The following DLC1 variants were observed in gnomAD, a reference collection of about 807,000 sequenced individuals.
The protein encoded by DLC1 is rho GTPase-activating protein 7.
In DLC1, 54 loss-of-function variants were observed where a neutral mutation model predicts 140.3. That is an observed-to-expected ratio of 0.38 (90% CI 0.31 to 0.48). The LOEUF is 0.48. Ranked by LOEUF, DLC1 falls within the 20% of genes least tolerant of loss-of-function variation. DLC1 has a pLI of 0.96. For missense variants in DLC1, 2,536 were observed against 1,907.0 expected (o/e 1.33, Z -6.14); for synonymous variants, 986 against 728.1 (o/e 1.35, Z -5.70).
At chr8:13,418,595 C>A (rs189401401) in intron 2 of DLC1, among the ~76,000 whole-genome samples, 3 of 152,024 alleles carry the variant, frequency 2.0e-5, no homozygotes, top group Non-Finnish European at 2.9e-5. Flanking sequence ...GGTACCAGTA[C>A]CATGCTGTTT....
chr8:13,091,492 T>A (rs1433339553), intron 13 of DLC1, 60 bp from the exon 14 acceptor site: 7 of 1,486,300 alleles, frequency 4.7e-6, no homozygotes, highest in African/African-American at 2.8e-5. Flanking sequence ...TTCTTCAAGG[T>A]ATTATTCAAG....
intron 2 of DLC1, among the ~76,000 whole-genome samples, chr8:13,497,465 T>C (rs1801567044): frequency 6.6e-6 from 1 of 152,232 alleles, no homozygotes; most frequent in African/African-American, 2.4e-5. Flanking sequence ...AATGACAGAA[T>C]GCTTAAAATA....
intron 1 of DLC1, among the ~76,000 whole-genome samples, chr8:13,569,220 A>C (rs1324216748): frequency 1.3e-5 from 2 of 152,204 alleles, no homozygotes; most frequent in Non-Finnish European, 2.9e-5. Context: ...CATTACCTGG[A>C]GATCACTTTT....
rs146278215 is a variant in DLC1 at position 13,314,074 on chromosome 8, C to T, written c.1315-8772G>A. Reference sequence around the variant, plus strand: ...ACATTTATATTCTGCACTCATGTGACCTTTGGGTGACTTCTGAATTGTAGG... The same window carrying T: ...ACATTTATATTCTGCACTCATGTGATCTTTGGGTGACTTCTGAATTGTAGG... On this transcript the variant is annotated intron_variant, in intron 4 of 17. Coordinates refer to ENST00000276297, the MANE Select transcript of DLC1 (RefSeq NM_182643.3). 3.0e-3 allele frequency among the ~76,000 whole-genome samples: 463 copies of T among 152,080 alleles called. 4 individuals are homozygous for T. Among genetic ancestry groups the T allele is most frequent in the African/African-American group, 0.011 (452 of 41,508 alleles).
At chr8:13,339,643 A>G (rs550184656) in intron 4 of DLC1, 24 of 152,306 alleles carry the variant, frequency 1.6e-4, no homozygotes, top group Middle Eastern at 3.4e-3. Context: ...AATTTGCTTA[A>G]CAATCAGAAC....
At chr8:13,408,659 T>C (rs1837665929) in intron 2 of DLC1, among the ~76,000 whole-genome samples, 1 of 152,202 alleles carries the variant, frequency 6.6e-6, no homozygotes, top group African/African-American at 2.4e-5. Flanking sequence ...CCAGTCTTCA[T>C]TTTAAGTGCT....
intron 5 of DLC1, among the ~76,000 whole-genome samples, chr8:13,149,905 C>A (rs1225141709): frequency 6.6e-6 from 1 of 152,148 alleles, no homozygotes; most frequent in Non-Finnish European, 1.5e-5. Context: ...CTCTCAAAAT[C>A]CAAAACTGAG....
At chr8:13,460,542 G>A (rs1263219725) in intron 2 of DLC1, among the ~76,000 whole-genome samples, 1 of 152,218 alleles carries the variant, frequency 6.6e-6, no homozygotes, top group African/African-American at 2.4e-5. Context: ...AGCATTTACA[G>A]TCCAAGGCAA....
intron 5 of DLC1, among the ~76,000 whole-genome samples, chr8:13,124,796 T>C (rs540822238): frequency 5.3e-5 from 8 of 152,322 alleles, no homozygotes; most frequent in African/African-American, 1.9e-4. Flanking sequence ...AGACCACCTC[T>C]AGAAAGGGTT....
At chr8:13,540,560 C>T (rs936672999) in intron 1 of DLC1, among the ~76,000 whole-genome samples, 11 of 152,326 alleles carry the variant, frequency 7.2e-5, no homozygotes, top group South Asian at 6.2e-4. Flanking sequence ...AATGTGTCTG[C>T]GCAGACTGTA....
chr8:13,471,914 C>T (rs1288237719), intron 2 of DLC1, among the ~76,000 whole-genome samples: 3 of 152,318 alleles, frequency 2.0e-5, no homozygotes, highest in African/African-American at 7.2e-5. Flanking sequence ...GGCCGAGGAG[C>T]AGCCATGGAG....
intron 5 of DLC1, among the ~76,000 whole-genome samples, chr8:13,218,415 C>A (rs925740463): frequency 6.6e-6 from 1 of 151,902 alleles, no homozygotes; most frequent in Non-Finnish European, 1.5e-5. Context: ...GGCTTTTGTG[C>A]GTCAAAGGAA....
intron 5 of DLC1, among the ~76,000 whole-genome samples, chr8:13,271,363 T>C (rs1186884345): frequency 2.0e-5 from 3 of 152,190 alleles, no homozygotes; most frequent in Non-Finnish European, 4.4e-5. Context: ...TCAATGTTTT[T>C]GGTTGCCCTT....
At chr8:13,454,386 A>G (rs369566) in intron 2 of DLC1, among the ~76,000 whole-genome samples, 77,096 of 151,978 alleles carry the variant, frequency 0.51, 20,209 homozygotes, top group African/African-American at 0.63. Context: ...TATATAAAAC[A>G]TATTCACAAA....
At chr8:13,165,653 G>A (rs74733962) in intron 5 of DLC1, among the ~76,000 whole-genome samples, 2,684 of 152,288 alleles carry the variant, frequency 0.018, 74 homozygotes, top group African/African-American at 0.061. Context: ...CTTCAACTAC[G>A]TTTTCCTGAA....
At chr8:13,488,166 A>G (rs1801056870) in intron 2 of DLC1, among the ~76,000 whole-genome samples, 2 of 152,244 alleles carry the variant, frequency 1.3e-5, no homozygotes. Context: ...AAAACTATAT[A>G]AAACAGTGTA....
intron 2 of DLC1, among the ~76,000 whole-genome samples, chr8:13,461,707 C>G (rs1201042819): frequency 6.6e-6 from 1 of 152,202 alleles, no homozygotes; most frequent in Non-Finnish European, 1.5e-5. Flanking sequence ...TCCATTCCCT[C>G]TGTCTTTTCT....
intron 2 of DLC1, among the ~76,000 whole-genome samples, chr8:13,408,317 A>T (rs1585056063): frequency 6.6e-6 from 1 of 152,350 alleles, no homozygotes; most frequent in East Asian, 1.9e-4. Context: ...CTTTTAACTG[A>T]CATGTAATCA....
At chr8:13,170,116 A>C (rs965061596) in intron 5 of DLC1, among the ~76,000 whole-genome samples, 1 of 152,210 alleles carries the variant, frequency 6.6e-6, no homozygotes, top group Admixed American at 6.5e-5. Context: ...GCTAATTTCA[A>C]GTTTATTTAG....
Sources: gnomAD v4.1 joint callset for allele counts (sites outside exome capture counted in the v4.1 genomes callset) on GRCh38, gnomAD v4.1.1 for gene constraint, MANE v1.5 for transcripts, NCBI Gene and HGNC (gene_info 2026-07-23, HGNC 2026-07-21) for gene names.